The following FANCM variants were observed in gnomAD, a reference collection of about 807,000 sequenced individuals.
FANCM encodes the protein Fanconi anemia group M protein.
A neutral mutation model predicts 199.5 loss-of-function variants in FANCM; 140 were observed. That is an observed-to-expected ratio of 0.70 (90% CI 0.61 to 0.81). The LOEUF is 0.81. FANCM is among the 30% of genes least tolerant of loss of function. The pLI, the probability that FANCM is intolerant of heterozygous loss-of-function variation, is 0.00. For missense variants in FANCM, 2,410 were observed against 2,421.4 expected (o/e 1.00, Z 0.10); for synonymous variants, 840 against 836.8 (o/e 1.00, Z -0.07).
rs1182421699 is a variant in FANCM, at chr14:45,188,796, T to C, written c.4780-6T>C. 13 of 1,598,800 alleles carry C rather than the reference T, an allele frequency of 8.1e-6. No homozygotes were observed. The highest frequency in any genetic ancestry group is 1.1e-5 in the Non-Finnish European group (13 of 1,167,606). On this transcript the variant is annotated splice_polypyrimidine_tract_variant and splice_region_variant and intron_variant, in intron 19 of 22. Transcript: ENST00000267430. ...AATATAAAACATTCTTGTGTTTTTATTGTAGATTCCTGAACAAGATGAAAC... is the reference window on the plus strand; with the variant it reads ...AATATAAAACATTCTTGTGTTTTTACTGTAGATTCCTGAACAAGATGAAAC...
chr14:45,166,336 A>G (rs1887974333), intron 10 of FANCM, among the ~76,000 whole-genome samples: 1 of 151,480 alleles, frequency 6.6e-6, no homozygotes, highest in Non-Finnish European at 1.5e-5. Context: ...ACGAGGGTTC[A>G]CCATATTGGC....
Position 45,171,628 on chromosome 14 carries a change from C to T in FANCM, c.2160+882C>T, listed in dbSNP as rs540920213. Reference sequence around the variant, plus strand: ...CACTTAGAATAATAGTCTCCAACTCCATCCAGGTTGCTGCGAATGTAATAA... The same window carrying T: ...CACTTAGAATAATAGTCTCCAACTCTATCCAGGTTGCTGCGAATGTAATAA... On this transcript the variant is annotated intron_variant, in intron 12 of 22. Transcript: ENST00000267430. 1.4e-4 allele frequency among the ~76,000 whole-genome samples: 21 copies of T among 152,028 alleles called. No individual in the cohort carries two copies. The East Asian group carries it at 3.7e-3, about 27-fold the overall frequency.
At chr14:45,162,018 A>C (rs972703521) in intron 9 of FANCM, among the ~76,000 whole-genome samples, 5 of 152,164 alleles carry the variant, frequency 3.3e-5, no homozygotes, top group Admixed American at 1.3e-4. Context: ...AGGCATATGA[A>C]GTCTGACTGT....
intron 9 of FANCM, among the ~76,000 whole-genome samples, chr14:45,161,130 T>C (rs763831569): frequency 2.0e-5 from 3 of 152,208 alleles, no homozygotes; most frequent in Non-Finnish European, 2.9e-5. Flanking sequence ...CTAAAGTCAT[T>C]ATTTCCTGAG....
At position 45,180,141 on chromosome 14, in the gene FANCM, A is replaced by G. The variant is rs113389372; in HGVS notation, c.4223-1289A>G. 7.3e-3 allele frequency among the ~76,000 whole-genome samples: 1,116 copies of G among 152,250 alleles called. 25 individuals are homozygous for G. Among genetic ancestry groups the G allele is most frequent in the African/African-American group, 0.026 (1,062 of 41,546 alleles). On this transcript the variant is annotated intron_variant, in intron 14 of 22. Coordinates refer to ENST00000267430, the MANE Select transcript of FANCM (RefSeq NM_020937.4). Reference sequence around the variant, plus strand: ...GTACCAAAATCTGTATTATTTATCTATTGCTGCATAGCAAACTACCTGCAA... The same window carrying G: ...GTACCAAAATCTGTATTATTTATCTGTTGCTGCATAGCAAACTACCTGCAA...
chr14:45,141,796 G>C (rs1885984368), intron 3 of FANCM, among the ~76,000 whole-genome samples: 2 of 151,598 alleles, frequency 1.3e-5, no homozygotes, highest in South Asian at 4.2e-4. Context: ...CACCATGTTG[G>C]CCAGCTGGTC....
chr14:45,170,662 T>C lies in FANCM; in HGVS notation c.2076T>C (p.Tyr692=). The change falls in exon 12 of 23, where the codon TAT becomes TAC. Residue 692 remains tyrosine, a synonymous_variant. Transcript: ENST00000267430. The part of the protein sequence containing the change: ...EEEFKLWNRL[Y]RLRDSDEIKE... ...AATTTAAATTATGGAACAGACTTTA[T>C]AGATTAAGGGACAGTGATGAAATTA... The C allele has an allele frequency of 6.2e-7, 1 of 1,603,088 alleles. No individual in the cohort carries two copies. The highest frequency in any genetic ancestry group is 8.5e-7 in the Non-Finnish European group (1 of 1,170,120).
At chr14:45,194,812 C>CA (rs1555367925) in intron 20 of FANCM, among the ~76,000 whole-genome samples, 8 of 135,712 alleles carry the variant, frequency 5.9e-5, no homozygotes, top group African/African-American at 2.1e-4. Flanking sequence ...TAGGTTGTGC[C>CA]TTTTTTTTTT....
At chr14:45,141,555 C>G (rs543592132) in intron 3 of FANCM, among the ~76,000 whole-genome samples, 1 of 131,816 alleles carries the variant, frequency 7.6e-6, no homozygotes, top group African/African-American at 2.8e-5. Flanking sequence ...CCTTACCTTA[C>G]GTTCCCCTCC....
intron 2 of FANCM, among the ~76,000 whole-genome samples, chr14:45,139,313 G>T (rs1885747976): frequency 6.6e-6 from 1 of 152,142 alleles, no homozygotes; most frequent in Non-Finnish European, 1.5e-5. Context: ...TATTTTTTCA[G>T]TATTAATCAA....
At chr14:45,153,887 T>A (rs371849590) in intron 5 of FANCM, 33 bp from the exon 6 acceptor site, 3 of 1,588,094 alleles carry the variant, frequency 1.9e-6, no homozygotes, top group Non-Finnish European at 2.6e-6. Flanking sequence ...CATTTATTTC[T>A]CTGGTTAAAT....
rs369834971 is a variant in FANCM at position 45,196,250 on chromosome 14, A to G, written c.5419A>G (p.Thr1807Ala). The G allele has an allele frequency of 2.5e-6, 4 of 1,613,946 alleles. No individual in the cohort carries two copies. The African/African-American group carries it at 5.3e-5, about 22-fold the overall frequency. The change falls in exon 21 of 23, where the codon ACT (threonine) becomes GCT (alanine). Residue 1807 changes from threonine (T) to alanine (A), a missense_variant. Transcript: ENST00000267430. ...KSRPHLAGTH[T>A]SLRLPQEGKG... Reference sequence around the variant, plus strand: ...AAGACCACATTTAGCTGGGACACATACTTCTCTTAGACTTCCGCAGGAAGG... The same window carrying G: ...AAGACCACATTTAGCTGGGACACATGCTTCTCTTAGACTTCCGCAGGAAGG...
Position 45,198,915 on chromosome 14 carries a change from T to C in FANCM, c.5988T>C (p.Ser1996=). The change falls in exon 22 of 23, where the codon TCT becomes TCC. Residue 1996 remains serine, a synonymous_variant. Transcript: ENST00000267430. ...TALNMCHQFS[S]VKRMANSSLQ... ...TAAATATGTGTCACCAGTTTTCATC[T>C]GTGAAAAGGATGGCTAACAGGTATG... The C allele has an allele frequency of 6.2e-7, 1 of 1,608,482 alleles. No individual in the cohort carries two copies. The highest frequency in any genetic ancestry group is 8.5e-7 in the Non-Finnish European group (1 of 1,175,244).
Position 45,160,037 on chromosome 14 carries a change from G to A in FANCM, c.1581+757G>A, listed in dbSNP as rs563574173. ...TTTTTTTTAGATGGAATCTTACTCT[G>A]TTGCCCAGGCTGGAGTGCAGTGGTG... is the stretch of plus-strand genomic sequence containing the variant. On this transcript the variant is annotated intron_variant, in intron 9 of 22. Transcript: ENST00000267430. 1.1e-4 allele frequency among the ~76,000 whole-genome samples: 13 copies of A among 122,652 alleles called. No homozygotes were observed. In the East Asian group the frequency reaches 3.1e-3, roughly 29 times the overall value. The allele number at this position is 122,652 out of a possible 152,430, so 80.5% of individuals were successfully genotyped here.
intron 3 of FANCM, among the ~76,000 whole-genome samples, chr14:45,143,906 C>T (rs1261800070): frequency 6.6e-6 from 1 of 151,602 alleles, no homozygotes; most frequent in Non-Finnish European, 1.5e-5. Flanking sequence ...GTTGGTCAGG[C>T]TGGTCTCGAA....
intron 21 of FANCM, among the ~76,000 whole-genome samples, chr14:45,197,226 A>G (rs74924961): frequency 0.017 from 2,616 of 152,128 alleles, 35 homozygotes; most frequent in Non-Finnish European, 0.026. Flanking sequence ...TTGACAAATC[A>G]CTCCCTCTGA....
chr14:45,156,566 G>A (rs1887203188), intron 8 of FANCM, among the ~76,000 whole-genome samples: 1 of 152,100 alleles, frequency 6.6e-6, no homozygotes, highest in African/African-American at 2.4e-5. Context: ...CTAGATATAT[G>A]TTCAAATTGG....
In FANCM at chr14:45,148,200, A is replaced by ACACACACACAC. The variant is rs1566731408; in HGVS notation, c.760-637_760-636insCACACACACAC. ...TGACAGAACGAGGCACCGTCTCAAA[A>ACACACACACAC]ACACACACACACACACACACACACA... is the stretch of plus-strand genomic sequence containing the variant. On this transcript the variant is annotated intron_variant, in intron 3 of 22. Coordinates refer to ENST00000267430, the MANE Select transcript of FANCM (RefSeq NM_020937.4). Among the ~76,000 whole-genome samples, 576 of 142,424 alleles carry ACACACACACAC rather than the reference A, an allele frequency of 4.0e-3. 7 individuals carry two copies. Among genetic ancestry groups the ACACACACACAC allele is most frequent in the South Asian group, 0.012 (54 of 4,428 alleles). The allele number at this position is 142,424 out of a possible 152,430, so 93.4% of individuals were successfully genotyped here.
rs114962166 is a variant in FANCM, at chr14:45,149,142, G to T, written c.918+147G>T. ...AAAATTCTTTGAAGTTAAAATTTTTGGAATGAGCACTGTGTTTTGTATGTA... is the reference window on the plus strand; with the variant it reads ...AAAATTCTTTGAAGTTAAAATTTTTTGAATGAGCACTGTGTTTTGTATGTA... On this transcript the variant is annotated intron_variant, in intron 4 of 22. Transcript: ENST00000267430. The T allele has an allele frequency of 3.2e-3, 2,329 of 722,154 alleles. 28 individuals carry two copies. The African/African-American group carries it at 0.037, about 11-fold the overall frequency. The allele number at this position is 722,154 out of a possible 1,614,324, so 44.7% of individuals were successfully genotyped here.
Sources: gnomAD v4.1 joint callset for allele counts (sites outside exome capture counted in the v4.1 genomes callset) on GRCh38, gnomAD v4.1.1 for gene constraint, MANE v1.5 for transcripts, NCBI Gene and HGNC (gene_info 2026-07-23, HGNC 2026-07-21) for gene names.